Variants in RBM48 observed in about 807,000 individuals in gnomAD.
RBM48 encodes the protein RNA binding motif protein 48, also known as RNA-binding protein 48.
RBM48 carries 32 observed loss-of-function variants against 34.8 expected under a neutral mutation model. The ratio of observed to expected loss-of-function variants is 0.92; its 90% CI spans 0.69 to 1.23. The LOEUF is 1.23. Ranked by LOEUF, RBM48 falls within the 50% of genes most tolerant of loss-of-function variation. The pLI is 0.00. For synonymous variants in RBM48, 151 were observed against 156.2 expected (o/e 0.97, Z 0.25); for missense variants, 441 against 447.2 (o/e 0.99, Z 0.12).
chr7:92,535,480 C>T (rs537240351), intron 4 of RBM48: 9 of 990,182 alleles, frequency 9.1e-6, no homozygotes, highest in East Asian at 1.1e-4. Flanking sequence ...CTTAAATGAT[C>T]GGGATCAGAT....
At position 92,537,352 on chromosome 7, in the gene RBM48, G is replaced by A. The variant is rs1793744437; in HGVS notation, c.*415G>A. On this transcript the variant is annotated 3_prime_UTR_variant, in exon 5 of 5. Coordinates refer to ENST00000265732, the MANE Select transcript of RBM48 (RefSeq NM_032120.4). ...ACCTGCCTCAGCCTCCCAAAGGGAT[G>A]AGCCACCGCGCCTGGCCCATTTCTT... The A allele has an allele frequency of 6.5e-6, 1 of 153,660 alleles. No homozygotes were observed. The highest frequency in any genetic ancestry group is 2.4e-5 in the African/African-American group (1 of 41,448). The allele number at this position is 153,660 out of a possible 1,614,324, so 9.5% of individuals were successfully genotyped here.
At position 92,539,051 on chromosome 7, in the gene RBM48, C is replaced by T. The variant is rs755663372; in HGVS notation, c.*2114C>T. ...GTTGGTTTGGGTGGGGCCTGAGATT[C>T]TGCATTTTTCCCAAGTCCCTAGGTG... On this transcript the variant is annotated 3_prime_UTR_variant, in exon 5 of 5. Coordinates refer to ENST00000265732, the MANE Select transcript of RBM48 (RefSeq NM_032120.4). Among the ~76,000 whole-genome samples the T allele has an allele frequency of 6.6e-6, 1 of 152,170 alleles. No individual in the cohort carries two copies. The highest frequency in any genetic ancestry group is 1.5e-5 in the Non-Finnish European group (1 of 68,022).
intron 4 of RBM48, chr7:92,536,318 C>T: frequency 1.0e-6 from 1 of 975,882 alleles, no homozygotes. Context: ...ATACAGTTTA[C>T]TATAGTTTCT....
chr7:92,534,356 C>T, intron 3 of RBM48, 46 bp from the exon 4 acceptor site: 2 of 1,553,960 alleles, frequency 1.3e-6, no homozygotes, highest in Non-Finnish European at 1.8e-6. Flanking sequence ...AAACAATAAA[C>T]CACTTCTGTT....
chr7:92,534,116 AGT>A, intron 3 of RBM48: 1 of 333,880 alleles, frequency 3.0e-6, no homozygotes, highest in East Asian at 7.4e-5. Context: ...GAGGTGGCAA[AGT>A]GAGACATATT....
chr7:92,531,674 A>G (rs570282642), intron 2 of RBM48, among the ~76,000 whole-genome samples: 12 of 152,350 alleles, frequency 7.9e-5, no homozygotes, highest in African/African-American at 2.6e-4. Context: ...TAGGCTCTGA[A>G]GTAAGACATC....
At chr7:92,529,383 C>T (rs1025174078) in intron 1 of RBM48, 93 bp from the exon 2 acceptor site, 18 of 737,376 alleles carry the variant, frequency 2.4e-5, no homozygotes, top group Middle Eastern at 3.9e-4. Context: ...CAGATTATTT[C>T]TTGTTTTCAA....
Position 92,534,717 on chromosome 7 carries a change from C to T in RBM48, c.764C>T (p.Ser255Leu), listed in dbSNP as rs191557887. The T allele has an allele frequency of 4.3e-5, 70 of 1,614,178 alleles. No homozygotes were observed. The Admixed American group carries it at 1.2e-3, about 27-fold the overall frequency. ...RKTQINSLKNSVACPGAQKAI... is the reference protein window; with the variant it reads ...RKTQINSLKNLVACPGAQKAI... ...ACACAGATAAACTCTTTGAAAAACTCAGTGGCCTGCCCTGGTGCACAAAAG... is the reference window on the plus strand; with the variant it reads ...ACACAGATAAACTCTTTGAAAAACTTAGTGGCCTGCCCTGGTGCACAAAAG... The change falls in exon 4 of 5, where the codon TCA becomes TTA. Residue 255 changes from serine (S) to leucine (L), a missense_variant. By Grantham distance (145) the Ser-to-Leu change is moderately radical. Transcript: ENST00000265732.
At chr7:92,529,021 T>C in intron 1 of RBM48, 97 bp downstream of exon 1, 1 of 874,458 alleles carries the variant, frequency 1.1e-6, no homozygotes. Flanking sequence ...CGACAAGGCT[T>C]CCGTCAGATC....
intron 4 of RBM48, chr7:92,535,287 G>T (rs1354114349): frequency 8.0e-7 from 1 of 1,247,516 alleles, no homozygotes; most frequent in African/African-American, 1.6e-5. Context: ...AGCTCCCCAG[G>T]TAGTTCTAAT....
chr7:92,529,599 G>C lies in RBM48; in HGVS notation c.235G>C (p.Asp79His). The C allele has an allele frequency of 6.2e-7, 1 of 1,611,134 alleles. No individual in the cohort carries two copies. Among genetic ancestry groups the C allele is most frequent in the Non-Finnish European group, 8.5e-7 (1 of 1,177,850 alleles). The change falls in exon 2 of 5, where the codon GAT becomes CAT. Residue 79 changes from aspartate (D) to histidine (H), a missense_variant. Coordinates refer to ENST00000265732, the MANE Select transcript of RBM48 (RefSeq NM_032120.4). ...TGCAATTGAACAGTACAATGCTCTA[G>C]ATGAATACCCAGCAGAAGACTTTAC... ...YGAIEQYNAL[D>H]EYPAEDFTEV...
At position 92,534,666 on chromosome 7, in the gene RBM48, A is replaced by G. The variant is rs766141502; in HGVS notation, c.713A>G (p.Tyr238Cys). 2.5e-6 allele frequency: 4 copies of G among 1,614,218 alleles called. No individual in the cohort carries two copies. In the Admixed American group the frequency reaches 5.0e-5, roughly 20 times the overall value. Residue 238 changes from tyrosine to cysteine, a missense_variant, in exon 4 of 5, where the codon TAT becomes TGT. Tyr to Cys is a radical substitution (Grantham distance 194, BLOSUM62 -2). Coordinates refer to ENST00000265732, the MANE Select transcript of RBM48 (RefSeq NM_032120.4). ...GRNHHKTMGHYNHNDSLRKTQ... is the reference protein window; with the variant it reads ...GRNHHKTMGHCNHNDSLRKTQ... ...AACCATCATAAAACAATGGGGCATT[A>G]TAACCACAATGACTCTTTGCGGAAA...
intron 2 of RBM48, among the ~76,000 whole-genome samples, chr7:92,529,917 G>A (rs1012627360): frequency 2.6e-5 from 4 of 152,096 alleles, no homozygotes; most frequent in Non-Finnish European, 2.9e-5. Context: ...GGTGGCTCAC[G>A]CCTGCAATCC....
At position 92,534,697 on chromosome 7, in the gene RBM48, GAT is replaced by G. The variant is rs1562877942; in HGVS notation, c.746_747del (p.Ile249LysfsTer23). On this transcript the variant is annotated frameshift_variant, in exon 4 of 5. Transcript: ENST00000265732. LOFTEE classifies it high-confidence loss of function. ...ACAATGACTCTTTGCGGAAAACACA[GAT>G]AAACTCTTTGAAAAACTCAGTGGCC... ...NHNDSLRKTQ[I>X]NSLKNSVACP... 7 of 1,614,168 alleles carry G rather than the reference GAT, an allele frequency of 4.3e-6. No homozygotes were observed. Among genetic ancestry groups the G allele is most frequent in the Non-Finnish European group, 5.9e-6 (7 of 1,180,030 alleles).
chr7:92,528,954 C>T, intron 1 of RBM48, 30 bp downstream of exon 1: 1 of 1,518,258 alleles, frequency 6.6e-7, no homozygotes, highest in East Asian at 2.3e-5. Context: ...ATTCGCTCTC[C>T]TCGGTAGCTT....
chr7:92,535,430 A>G (rs1274897509), intron 4 of RBM48: 3 of 1,010,760 alleles, frequency 3.0e-6, no homozygotes, highest in South Asian at 4.5e-5. Flanking sequence ...TGAGATTTCT[A>G]AAAATTAGGC....
rs193219499 is a variant in RBM48, at chr7:92,534,961, A to G, written c.1008A>G (p.Lys336=). The change falls in exon 4 of 5, where the codon AAA becomes AAG. Residue 336 remains lysine, a synonymous_variant. Transcript: ENST00000265732. The part of the protein sequence containing the change: ...LNTTANLIRH[K]LKEVISSVPK... ...CAACGGCGAATTTAATTCGGCATAA[A>G]CTTAAAGAGGTAAGGTTATTTTTAA... The G allele has an allele frequency of 5.6e-6, 9 of 1,614,122 alleles. No individual in the cohort carries two copies. The East Asian group carries it at 1.8e-4, about 32-fold the overall frequency.
chr7:92,535,784 A>G, intron 4 of RBM48: 1 of 973,630 alleles, frequency 1.0e-6, no homozygotes, highest in Non-Finnish European at 1.2e-6. Context: ...TATCTGATTA[A>G]AGGTATTATT....
At position 92,529,489 on chromosome 7, in the gene RBM48, A is replaced by G. The variant is rs1042461840; in HGVS notation, c.125A>G (p.Asn42Ser). ...RPRAVKVYTI[N>S]LESQYLLIQG... ...CATTTCTTTCAGGTATATACAATCA[A>G]TTTGGAATCTCAGTACTTATTAATA... Residue 42 changes from asparagine (N) to serine (S), a missense_variant, in exon 2 of 5, where the codon AAT (asparagine) becomes AGT (serine). Transcript: ENST00000265732. 13 of 1,599,042 alleles carry G rather than the reference A, an allele frequency of 8.1e-6. No individual in the cohort carries two copies. Among genetic ancestry groups the G allele is most frequent in the African/African-American group, 4.0e-5 (3 of 74,408 alleles).
Sources: allele counts gnomAD v4.1 joint callset (sites outside exome capture counted in the v4.1 genomes callset), GRCh38; gene constraint gnomAD v4.1.1; transcripts MANE v1.5; gene names NCBI Gene and HGNC (gene_info 2026-07-23, HGNC 2026-07-21).